GLI3: variants seen among roughly 807,000 people sequenced by gnomAD.
The protein encoded by GLI3 is transcription activator GLI3.
A neutral mutation model predicts 100.8 loss-of-function variants in GLI3; 20 were observed. The ratio of observed to expected loss-of-function variants is 0.20; its 90% CI spans 0.14 to 0.29. The LOEUF is 0.29. Among genes scored for constraint, GLI3 ranks in the 10% least tolerant of loss-of-function variants. The pLI, the probability that GLI3 is intolerant of heterozygous loss-of-function variation, is 1.00. For synonymous variants in GLI3, 938 were observed against 860.5 expected (o/e 1.09, Z -1.58); for missense variants, 2,040 against 2,128.5 (o/e 0.96, Z 0.82).
At chr7:42,027,201 G>A (rs1011721499) in intron 7 of GLI3, among the ~76,000 whole-genome samples, 3 of 152,060 alleles carry the variant, frequency 2.0e-5, no homozygotes, top group Non-Finnish European at 4.4e-5. Context: ...AAGATTTCTC[G>A]ACTAGCAGGC....
chr7:42,184,749 C>T (rs1190804466), intron 2 of GLI3, among the ~76,000 whole-genome samples: 1 of 152,032 alleles, frequency 6.6e-6, no homozygotes, highest in Non-Finnish European at 1.5e-5. Context: ...CCTGGGGCAG[C>T]CCTCACCCCC....
chr7:42,109,165 A>T (rs920328839), intron 3 of GLI3, among the ~76,000 whole-genome samples: 2 of 152,164 alleles, frequency 1.3e-5, no homozygotes, highest in African/African-American at 4.8e-5. Flanking sequence ...ATGGCCCCCT[A>T]CAATCTTTTG....
At chr7:42,025,516 A>G (rs2128731672) in intron 8 of GLI3, 139 bp from the exon 9 acceptor site, 1 of 708,136 alleles carries the variant, frequency 1.4e-6, no homozygotes, top group East Asian at 2.7e-5. Flanking sequence ...CTCCAATCCC[A>G]GTGTAAGCAG....
intron 10 of GLI3, among the ~76,000 whole-genome samples, chr7:41,981,367 C>T (rs1339294016): frequency 6.6e-6 from 1 of 152,176 alleles, no homozygotes; most frequent in Admixed American, 6.5e-5. Flanking sequence ...GGGAAATACC[C>T]CTGCATAAAA....
intron 1 of GLI3, among the ~76,000 whole-genome samples, chr7:42,236,764 G>A (rs930512052): frequency 2.6e-5 from 4 of 152,218 alleles, no homozygotes; most frequent in African/African-American, 7.2e-5. Flanking sequence ...CGGACTCTTC[G>A]GAAAGGACCT....
At chr7:42,146,304 T>C (rs540463623) in intron 3 of GLI3, among the ~76,000 whole-genome samples, 3 of 152,294 alleles carry the variant, frequency 2.0e-5, no homozygotes, top group South Asian at 2.1e-4. Flanking sequence ...CATTAGTTAA[T>C]AGGACATTGG....
intron 2 of GLI3, among the ~76,000 whole-genome samples, chr7:42,150,385 T>C (rs1239259570): frequency 1.3e-5 from 2 of 152,170 alleles, no homozygotes; most frequent in African/African-American, 2.4e-5. Context: ...TCACAGTCTA[T>C]AGAATAAGAA....
chr7:42,225,821 C>T (rs1417677035), intron 1 of GLI3, among the ~76,000 whole-genome samples: 1 of 152,212 alleles, frequency 6.6e-6, no homozygotes, highest in Non-Finnish European at 1.5e-5. Context: ...GATAAACTCT[C>T]CTTCATCTGG....
chr7:41,989,540 G>C (rs887201297), intron 10 of GLI3, among the ~76,000 whole-genome samples: 2 of 152,112 alleles, frequency 1.3e-5, no homozygotes, highest in Non-Finnish European at 2.9e-5. Flanking sequence ...TACAAGTCCA[G>C]CATACGGAGA....
chr7:42,175,293 C>T (rs1197914156), intron 2 of GLI3, among the ~76,000 whole-genome samples: 1 of 152,220 alleles, frequency 6.6e-6, no homozygotes, highest in East Asian at 1.9e-4. Context: ...AGGAAACAGA[C>T]TTCACCCTTT....
chr7:42,090,707 T>C (rs577604217), intron 3 of GLI3, among the ~76,000 whole-genome samples: 44 of 152,264 alleles, frequency 2.9e-4, no homozygotes, highest in Admixed American at 7.2e-4. Flanking sequence ...AACTTCACAC[T>C]AGACAGACAC....
At chr7:42,202,944 C>G (rs948931481) in intron 2 of GLI3, among the ~76,000 whole-genome samples, 4 of 152,176 alleles carry the variant, frequency 2.6e-5, no homozygotes, top group African/African-American at 9.7e-5. Flanking sequence ...TTCTTCTATT[C>G]ATATCAGCCT....
chr7:41,985,727 G>T (rs1286053167), intron 10 of GLI3, among the ~76,000 whole-genome samples: 1 of 152,062 alleles, frequency 6.6e-6, no homozygotes, highest in Non-Finnish European at 1.5e-5. Context: ...CAACATTTTT[G>T]AAAGTTTTAC....
chr7:41,967,057 GT>G (rs1438787958), intron 14 of GLI3, among the ~76,000 whole-genome samples: 1 of 152,236 alleles, frequency 6.6e-6, no homozygotes, highest in East Asian at 1.9e-4. Context: ...TACTCCACGA[GT>G]TTCACATTCA....
intron 9 of GLI3, among the ~76,000 whole-genome samples, chr7:42,024,772 T>C (rs1175330286): frequency 6.6e-6 from 1 of 152,212 alleles, no homozygotes; most frequent in Non-Finnish European, 1.5e-5. Context: ...CTTAGGTTAG[T>C]TATGTTTTCA....
At chr7:42,171,461 C>G (rs1234945165) in intron 2 of GLI3, among the ~76,000 whole-genome samples, 1 of 152,194 alleles carries the variant, frequency 6.6e-6, no homozygotes, top group Non-Finnish European at 1.5e-5. Context: ...AGGAAATGTA[C>G]TAAAATGTTA....
At chr7:42,096,787 C>CT (rs769182292) in intron 3 of GLI3, among the ~76,000 whole-genome samples, 8 of 152,164 alleles carry the variant, frequency 5.3e-5, no homozygotes, top group Non-Finnish European at 8.8e-5. Flanking sequence ...TGAAACCAGA[C>CT]TCCAGCCACA....
At chr7:42,251,905 A>AACC (rs1326481308) in intron 1 of GLI3, among the ~76,000 whole-genome samples, 1 of 152,080 alleles carries the variant, frequency 6.6e-6, no homozygotes, top group Non-Finnish European at 1.5e-5. Context: ...GATCGAGTGG[A>AACC]ACCACACTCA....
intron 4 of GLI3, among the ~76,000 whole-genome samples, chr7:42,075,479 G>A (rs1365080420): frequency 6.6e-6 from 1 of 152,200 alleles, no homozygotes; most frequent in Non-Finnish European, 1.5e-5. Context: ...GTTTCAGGCT[G>A]AACTAGGAAT....
Sources: allele counts gnomAD v4.1 joint callset (sites outside exome capture counted in the v4.1 genomes callset), GRCh38; gene constraint gnomAD v4.1.1; transcripts MANE v1.5; gene names NCBI Gene and HGNC (gene_info 2026-07-23, HGNC 2026-07-21).